The following HTR2C variants were observed in gnomAD, a reference collection of about 807,000 sequenced individuals.
HTR2C encodes 5-hydroxytryptamine receptor 2C.
Under a neutral mutation model 21.0 loss-of-function variants are expected in HTR2C, and 5 were observed. The ratio of observed to expected loss-of-function variants is 0.24; its 90% confidence interval spans 0.12 to 0.50. The LOEUF is 0.50. Among genes scored for constraint, HTR2C ranks in the 20% least tolerant of loss-of-function variants. HTR2C has a pLI of 0.98. For synonymous variants in HTR2C, 150 were observed against 145.3 expected (o/e 1.03, Z -0.23); for missense variants, 271 against 371.2 (o/e 0.73, Z 2.22).
chrX:114,718,992 TA>T (rs1933091439), intron 2 of HTR2C, among the ~76,000 whole-genome samples: 1 of 26,016 alleles, frequency 3.8e-5, no homozygotes, highest in Non-Finnish European at 8.4e-5. Flanking sequence ...AATATAATAA[TA>T]TAATATATAA....
At chrX:114,660,584 T>C (rs782052929) in intron 2 of HTR2C, among the ~76,000 whole-genome samples, 1 of 112,773 alleles carries the variant, frequency 8.9e-6, no homozygotes, top group African/African-American at 3.2e-5. Context: ...TTCCAATCCA[T>C]ATTTTACTAA....
At chrX:114,712,701 G>A (rs1001722086) in intron 2 of HTR2C, among the ~76,000 whole-genome samples, 2 of 111,582 alleles carry the variant, frequency 1.8e-5, no homozygotes, top group Non-Finnish European at 3.8e-5. Flanking sequence ...GTTGTCGTCA[G>A]CTGTTGTTAA....
At chrX:114,686,997 G>A (rs1222521250) in intron 2 of HTR2C, among the ~76,000 whole-genome samples, 1 of 111,689 alleles carries the variant, frequency 9.0e-6, no homozygotes, top group African/African-American at 3.2e-5. Context: ...AAATTTGTGT[G>A]TAAAGTCAAT....
At chrX:114,616,212 T>C (rs2147807399) in intron 2 of HTR2C, among the ~76,000 whole-genome samples, 1 of 110,132 alleles carries the variant, frequency 9.1e-6, no homozygotes, top group African/African-American at 3.4e-5. Flanking sequence ...ATCTACAGCC[T>C]GATATTCTTT....
At chrX:114,679,536 C>T (rs982688470) in intron 2 of HTR2C, among the ~76,000 whole-genome samples, 3 of 111,034 alleles carry the variant, frequency 2.7e-5, no homozygotes, top group South Asian at 7.6e-4. Context: ...GTCTCGGCCT[C>T]CCAAAGTGCT....
intron 2 of HTR2C, among the ~76,000 whole-genome samples, chrX:114,726,436 A>G (rs1933487262): frequency 8.9e-6 from 1 of 112,015 alleles, no homozygotes; most frequent in South Asian, 3.7e-4. Context: ...AGTGAGATGA[A>G]GCCGGTATCT....
chrX:114,666,501 G>T (rs1418698259), intron 2 of HTR2C, among the ~76,000 whole-genome samples: 1 of 111,412 alleles, frequency 9.0e-6, no homozygotes, highest in Non-Finnish European at 1.9e-5. Flanking sequence ...TATTAATGTT[G>T]TCAAGGTGCC....
intron 1 of HTR2C, among the ~76,000 whole-genome samples, chrX:114,611,750 T>C (rs1461540596): frequency 3.6e-5 from 4 of 111,824 alleles, no homozygotes; most frequent in Admixed American, 2.8e-4. Context: ...CAGGCTGGAG[T>C]GCAGTGGCGC....
chrX:114,901,852 ATAAT>A (rs1556485317), intron 5 of HTR2C, among the ~76,000 whole-genome samples: 1 of 111,649 alleles, frequency 9.0e-6, no homozygotes, highest in African/African-American at 3.2e-5. Flanking sequence ...ATTCCACCTA[ATAAT>A]TTATTTTTTT....
At chrX:114,701,299 G>T (rs1305735229) in intron 2 of HTR2C, among the ~76,000 whole-genome samples, 2 of 111,856 alleles carry the variant, frequency 1.8e-5, no homozygotes, top group Admixed American at 9.5e-5. Context: ...CAGCCTAACT[G>T]GGAGGCACCC....
chrX:114,764,929 C>T (rs1203436543), intron 4 of HTR2C, among the ~76,000 whole-genome samples: 8 of 23,185 alleles, frequency 3.5e-4, no homozygotes, highest in Middle Eastern at 0.022. Flanking sequence ...CTTTCTTTTC[C>T]TTCCTTCCTT....
intron 2 of HTR2C, among the ~76,000 whole-genome samples, chrX:114,700,400 C>T (rs910634279): frequency 5.4e-5 from 6 of 111,519 alleles, no homozygotes; most frequent in Non-Finnish European, 1.1e-4. Context: ...GAAAGAGAAG[C>T]CTCAAGGATG....
rs182322444 is a variant in HTR2C, at chrX:114,729,503, C to T, written c.36-1791C>T. On this transcript the variant is annotated intron_variant, in intron 3 of 5. Transcript: ENST00000276198. Reference sequence around the variant, plus strand: ...GTGACAGAGTAATCAAAGCTGAGAGCGAATAACTTGCTTCTGTTTATTTGG... The same window carrying T: ...GTGACAGAGTAATCAAAGCTGAGAGTGAATAACTTGCTTCTGTTTATTTGG... 5.4e-5 allele frequency among the ~76,000 whole-genome samples: 6 copies of T among 111,513 alleles called. No individual in the cohort carries two copies. The East Asian group carries it at 1.4e-3, about 26-fold the overall frequency.
At chrX:114,723,017 A>T (rs1933288834) in intron 2 of HTR2C, among the ~76,000 whole-genome samples, 1 of 111,544 alleles carries the variant, frequency 9.0e-6, no homozygotes, top group African/African-American at 3.3e-5. Context: ...TATCAGGATG[A>T]TGCTGGCCTC....
At chrX:114,827,715 A>G (rs1031837628) in intron 4 of HTR2C, among the ~76,000 whole-genome samples, 2 of 110,894 alleles carry the variant, frequency 1.8e-5, no homozygotes, top group Non-Finnish European at 3.8e-5. Flanking sequence ...TTCACCTGAG[A>G]ATCTCTTTAT....
At chrX:114,637,117 T>A (rs1171186308) in intron 2 of HTR2C, among the ~76,000 whole-genome samples, 1 of 111,823 alleles carries the variant, frequency 8.9e-6, no homozygotes, top group Non-Finnish European at 1.9e-5. Context: ...TGACATTTTT[T>A]AAGTGTATTT....
At chrX:114,841,690 G>C (rs782093763) in intron 4 of HTR2C, among the ~76,000 whole-genome samples, 2 of 109,407 alleles carry the variant, frequency 1.8e-5, no homozygotes, top group South Asian at 8.0e-4. Flanking sequence ...GCAGTGAGGG[G>C]AGATTGCGCC....
In HTR2C at chrX:114,793,675, T is replaced by G. The variant is rs1336429081; in HGVS notation, c.350-54328T>G. Among the ~76,000 whole-genome samples, 3 of 110,836 alleles carry G rather than the reference T, an allele frequency of 2.7e-5. No individual in the cohort carries two copies. The East Asian group carries it at 8.5e-4, about 31-fold the overall frequency. On this transcript the variant is annotated intron_variant, in intron 4 of 5. Transcript: ENST00000276198. Reference sequence around the variant, plus strand: ...GATCTGGTATCTAGATCTGGCTCTATTATTGAATAATGCATAAACACAGAA... The same window carrying G: ...GATCTGGTATCTAGATCTGGCTCTAGTATTGAATAATGCATAAACACAGAA...
At chrX:114,868,938 C>A (rs1458792739) in intron 5 of HTR2C, among the ~76,000 whole-genome samples, 1 of 110,181 alleles carries the variant, frequency 9.1e-6, no homozygotes, top group East Asian at 2.9e-4. Context: ...GTTTGCTGCA[C>A]CCATCAACTC....
Sources: allele counts gnomAD v4.1 joint callset (sites outside exome capture counted in the v4.1 genomes callset), GRCh38; gene constraint gnomAD v4.1.1; transcripts MANE v1.5; gene names NCBI Gene and HGNC (gene_info 2026-07-23, HGNC 2026-07-21).